STK32B: variants seen among roughly 807,000 people sequenced by gnomAD.
The protein encoded by STK32B is serine/threonine kinase 32B, also known as serine/threonine-protein kinase 32B.
Under a neutral mutation model 52.6 loss-of-function variants are expected in STK32B, and 43 were observed. The ratio of observed to expected loss-of-function variants is 0.82; its 90% CI spans 0.64 to 1.05. STK32B has a LOEUF of 1.05. STK32B is among the 50% of genes least tolerant of loss of function. The probability of loss-of-function intolerance (pLI) is 0.00; values close to 1 mark genes in which losing one functional copy is unlikely to be tolerated. For synonymous variants in STK32B, 238 were observed against 204.3 expected (o/e 1.17, Z -1.41); for missense variants, 621 against 534.6 (o/e 1.16, Z -1.59).
Position 5,399,200 on chromosome 4 carries a change from T to C in STK32B, c.472+956T>C, listed in dbSNP as rs1560381540. ...CCGTCTCTCAGGGCCTAACATGGGG[T>C]TGGCTGGAGGGAGCAGGTGCGAATT... On this transcript the variant is annotated intron_variant, in intron 5 of 11. Coordinates refer to ENST00000282908, the MANE Select transcript of STK32B (RefSeq NM_018401.3). The surrounding 1 kb of genome is among the most constrained non-coding windows in gnomAD (Gnocchi z 5.4). Among the ~76,000 whole-genome samples the C allele has an allele frequency of 6.6e-6, 1 of 150,510 alleles. No individual in the cohort carries two copies.
chr4:5,110,798 A>T (rs922617732), intron 1 of STK32B, among the ~76,000 whole-genome samples: 2 of 152,154 alleles, frequency 1.3e-5, no homozygotes, highest in Non-Finnish European at 2.9e-5. Context: ...TGCATAGCAA[A>T]AGAAATAATC....
At chr4:5,247,530 C>G (rs375954698) in intron 3 of STK32B, among the ~76,000 whole-genome samples, 8 of 152,192 alleles carry the variant, frequency 5.3e-5, no homozygotes, top group Non-Finnish European at 1.2e-4. Flanking sequence ...TCGGGTGAGG[C>G]GATGCCTCGC....
rs1184527395 is a variant in STK32B at position 5,149,840 on chromosome 4, G to C, written c.108+9880G>C. Among the ~76,000 whole-genome samples, 3 of 151,892 alleles carry C rather than the reference G, an allele frequency of 2.0e-5. No homozygotes were observed. The South Asian group carries it at 6.2e-4, about 31-fold the overall frequency. ...TATTCATATTTTTAAGGAAAATCTAGGTTTCTCTCTGGTATCATTTCCATT... is the reference window on the plus strand; with the variant it reads ...TATTCATATTTTTAAGGAAAATCTACGTTTCTCTCTGGTATCATTTCCATT... On this transcript the variant is annotated intron_variant, in intron 2 of 11. Coordinates refer to ENST00000282908, the MANE Select transcript of STK32B (RefSeq NM_018401.3).
At chr4:5,208,598 T>A (rs1429493509) in intron 3 of STK32B, among the ~76,000 whole-genome samples, 3 of 152,180 alleles carry the variant, frequency 2.0e-5, no homozygotes, top group Non-Finnish European at 2.9e-5. Context: ...AAGGCAAAAT[T>A]CTGGCTTCAA....
chr4:5,157,448 C>T (rs144113963), intron 2 of STK32B, among the ~76,000 whole-genome samples: 1 of 152,268 alleles, frequency 6.6e-6, no homozygotes, highest in African/African-American at 2.4e-5. Context: ...GTGCAGTGAC[C>T]TGCAAGGGTG....
At chr4:5,300,664 A>G (rs1267601416) in intron 3 of STK32B, among the ~76,000 whole-genome samples, 1 of 152,174 alleles carries the variant, frequency 6.6e-6, no homozygotes, top group African/African-American at 2.4e-5. Context: ...TGAAAACCAA[A>G]TCAAGAATGC....
intron 3 of STK32B, among the ~76,000 whole-genome samples, chr4:5,206,019 C>T (rs1722553291): frequency 6.6e-6 from 1 of 152,144 alleles, no homozygotes; most frequent in African/African-American, 2.4e-5. Flanking sequence ...AATGTGGGGC[C>T]AAGACTTTCC....
At chr4:5,335,708 C>G (rs1732626857) in intron 4 of STK32B, among the ~76,000 whole-genome samples, 1 of 151,986 alleles carries the variant, frequency 6.6e-6, no homozygotes, top group Non-Finnish European at 1.5e-5. Flanking sequence ...CAAAGAACAT[C>G]TTTATTTCTG....
At chr4:5,045,704 G>A in the STK32B span, among the ~76,000 whole-genome samples, 1 of 152,120 alleles carries the variant, frequency 6.6e-6, no homozygotes, top group Non-Finnish European at 1.5e-5. Flanking sequence ...TTCGCTCTCT[G>A]TGTGCCTATT....
At chr4:5,436,348 G>T (rs576370897) in intron 6 of STK32B, among the ~76,000 whole-genome samples, 1 of 152,308 alleles carries the variant, frequency 6.6e-6, no homozygotes, top group East Asian at 1.9e-4. Flanking sequence ...GATGTCATTG[G>T]CTGCTCAGAA....
At chr4:5,335,759 G>C (rs1348829227) in intron 4 of STK32B, among the ~76,000 whole-genome samples, 1 of 152,060 alleles carries the variant, frequency 6.6e-6, no homozygotes, top group Non-Finnish European at 1.5e-5. Context: ...TCAGGAGCAG[G>C]TTGTTCATTT....
rs751590603 is a variant in STK32B at position 5,181,329 on chromosome 4, G to GACACACACACACAC, written c.260+12905_260+12918dup. ...AAAAGAAGAGAAAGATGGAGAGTGA[G>GACACACACACACAC]ACACACACACACACACACACACACA... On this transcript the variant is annotated intron_variant, in intron 3 of 11. Coordinates refer to ENST00000282908, the MANE Select transcript of STK32B (RefSeq NM_018401.3). 1.5e-3 allele frequency among the ~76,000 whole-genome samples: 206 copies of GACACACACACACAC among 138,108 alleles called. 2 individuals are homozygous for GACACACACACACAC. Among genetic ancestry groups the GACACACACACACAC allele is most frequent in the East Asian group, 5.0e-3 (22 of 4,390 alleles). The allele number at this position is 138,108 out of a possible 152,430, so 90.6% of individuals were successfully genotyped here.
intron 3 of STK32B, among the ~76,000 whole-genome samples, chr4:5,281,309 A>G (rs1178076047): frequency 3.9e-5 from 6 of 152,156 alleles, no homozygotes; most frequent in Admixed American, 3.3e-4. Context: ...TAATAATAAC[A>G]TGATGTCCAT....
At chr4:5,240,181 AT>A (rs60851704) in intron 3 of STK32B, among the ~76,000 whole-genome samples, 1 of 151,134 alleles carries the variant, frequency 6.6e-6, no homozygotes, top group Non-Finnish European at 1.5e-5. Flanking sequence ...GGTTCATGGA[AT>A]TTTTTTACTC....
At chr4:5,323,129 C>T (rs1731630926) in intron 3 of STK32B, among the ~76,000 whole-genome samples, 1 of 152,226 alleles carries the variant, frequency 6.6e-6, no homozygotes, top group Middle Eastern at 3.4e-3. Context: ...GATTTTAGGA[C>T]TAATTGAGAG....
intron 3 of STK32B, among the ~76,000 whole-genome samples, chr4:5,284,459 G>A (rs1728415379): frequency 1.3e-5 from 2 of 152,036 alleles, no homozygotes; most frequent in African/African-American, 4.8e-5. Context: ...AACTACTCAA[G>A]GGTTCGTATG....
chr4:5,305,999 G>T (rs888113489), intron 3 of STK32B, among the ~76,000 whole-genome samples: 2 of 152,078 alleles, frequency 1.3e-5, no homozygotes, highest in Non-Finnish European at 2.9e-5. Context: ...TAATTTCCAT[G>T]TATTTGCGTT....
At chr4:5,463,447 C>T (rs1031748097) in intron 9 of STK32B, among the ~76,000 whole-genome samples, 7 of 150,332 alleles carry the variant, frequency 4.7e-5, no homozygotes, top group Non-Finnish European at 5.9e-5. Flanking sequence ...CTCTCCTGCA[C>T]ACACCCACAC....
chr4:5,457,212 C>CT (rs1230307057), intron 8 of STK32B, among the ~76,000 whole-genome samples: 18,594 of 114,908 alleles, frequency 0.16, 1,850 homozygotes, highest in East Asian at 0.31. Flanking sequence ...TTTTTTTTTT[C>CT]TTTTTTTTTT....
Sources: allele counts gnomAD v4.1 joint callset (sites outside exome capture counted in the v4.1 genomes callset), GRCh38; gene constraint gnomAD v4.1.1; non-coding constraint Gnocchi (gnomAD v3.1); transcripts MANE v1.5; gene names NCBI Gene and HGNC (gene_info 2026-07-23, HGNC 2026-07-21).